Variants in ULK2 observed in about 807,000 individuals in gnomAD.
ULK2 encodes the protein unc-51 like autophagy activating kinase 2.
A neutral mutation model predicts 127.5 loss-of-function variants in ULK2; 76 were observed. The ratio of observed to expected loss-of-function variants is 0.60; its 90% CI spans 0.50 to 0.72. The LOEUF is 0.72. Among genes scored for constraint, ULK2 ranks in the 30% least tolerant of loss-of-function variants. The pLI is 0.00. For synonymous variants in ULK2, 452 were observed against 461.9 expected (o/e 0.98, Z 0.28); for missense variants, 1,144 against 1,295.9 (o/e 0.88, Z 1.80).
At chr17:19,794,503 CAG>C (rs1372907851) in intron 20 of ULK2, among the ~76,000 whole-genome samples, 3 of 152,040 alleles carry the variant, frequency 2.0e-5, no homozygotes, top group African/African-American at 4.8e-5. Context: ...GAATCAAAGA[CAG>C]AGAAAATTTT....
In ULK2 at chr17:19,774,908, G is replaced by A. The variant is rs544836668; in HGVS notation, c.*1441C>T. The A allele has an allele frequency of 2.6e-5, 4 of 152,632 alleles. No homozygotes were observed. In the East Asian group the frequency reaches 5.8e-4, roughly 22 times the overall value. 9.5% of individuals were successfully genotyped at this position (152,632 alleles called of 1,614,324 possible). On this transcript the variant is annotated 3_prime_UTR_variant, in exon 27 of 27. Coordinates refer to ENST00000395544, the MANE Select transcript of ULK2 (RefSeq NM_014683.4). ...GTATTAAAGACCTAAAAATACAAACGTCATATAAATAAATGTTCAAATTAA... is the reference window on the plus strand; with the variant it reads ...GTATTAAAGACCTAAAAATACAAACATCATATAAATAAATGTTCAAATTAA...
intron 20 of ULK2, among the ~76,000 whole-genome samples, chr17:19,786,604 C>T (rs1457711026): frequency 1.3e-5 from 2 of 151,798 alleles, no homozygotes; most frequent in Non-Finnish European, 2.9e-5. Context: ...ATCCCAGCTA[C>T]TCAAGAGCCT....
At chr17:19,846,586 G>A (rs2041888895) in intron 6 of ULK2, 151 bp downstream of exon 6, 1 of 837,092 alleles carries the variant, frequency 1.2e-6, no homozygotes, top group Admixed American at 2.8e-5. Flanking sequence ...GTTGCAGTGA[G>A]CCAAGATCGC....
At chr17:19,858,586 G>A (rs1276373593) in intron 3 of ULK2, among the ~76,000 whole-genome samples, 1 of 151,904 alleles carries the variant, frequency 6.6e-6, no homozygotes, top group Non-Finnish European at 1.5e-5. Context: ...CACAACCTAT[G>A]CATCATAGGA....
At chr17:19,840,729 A>T (rs2041728190) in intron 9 of ULK2, among the ~76,000 whole-genome samples, 3 of 151,414 alleles carry the variant, frequency 2.0e-5, no homozygotes, top group Admixed American at 6.6e-5. Flanking sequence ...AAAAAAAAAA[A>T]AATACAAAAA....
At chr17:19,807,723 C>T (rs926182656) in intron 14 of ULK2, among the ~76,000 whole-genome samples, 4 of 152,152 alleles carry the variant, frequency 2.6e-5, no homozygotes, top group Non-Finnish European at 4.4e-5. Flanking sequence ...TAATTGAATT[C>T]CCATATCCTC....
At chr17:19,805,551 C>A (rs1003039267) in intron 14 of ULK2, among the ~76,000 whole-genome samples, 9 of 152,256 alleles carry the variant, frequency 5.9e-5, no homozygotes, top group African/African-American at 2.2e-4. Flanking sequence ...TTCCCAATAT[C>A]CATTCAGCCT....
intron 10 of ULK2, among the ~76,000 whole-genome samples, chr17:19,837,647 T>C (rs1490916574): frequency 6.6e-6 from 1 of 152,214 alleles, no homozygotes; most frequent in Non-Finnish European, 1.5e-5. Flanking sequence ...TCCTTTCAGC[T>C]GCTCAGGCCA....
intron 6 of ULK2, 59 bp from the exon 7 acceptor site, chr17:19,845,436 T>TG: frequency 1.6e-6 from 2 of 1,263,208 alleles, no homozygotes; most frequent in Non-Finnish European, 2.3e-6. Context: ...ACCTAACATA[T>TG]ATCATATGAT....
chr17:19,776,856 G>A (rs1314825451), intron 26 of ULK2, among the ~76,000 whole-genome samples: 1 of 152,186 alleles, frequency 6.6e-6, no homozygotes, highest in Admixed American at 6.5e-5. Flanking sequence ...GCTTAAAACA[G>A]TTACATTTAA....
At chr17:19,819,473 G>C (rs157404) in intron 12 of ULK2, among the ~76,000 whole-genome samples, 47,192 of 152,050 alleles carry the variant, frequency 0.31, 8,458 homozygotes, top group Middle Eastern at 0.51. Flanking sequence ...GGCTCTTCAC[G>C]CTTCACTTGT....
chr17:19,790,530 T>A (rs2087129138), intron 20 of ULK2, among the ~76,000 whole-genome samples: 4 of 146,404 alleles, frequency 2.7e-5, no homozygotes, highest in East Asian at 2.0e-4. Flanking sequence ...ACCAAGAAAA[T>A]CAGTGATACC....
chr17:19,777,851 C>T, intron 25 of ULK2, 135 bp from the exon 26 acceptor site: 1 of 1,116,248 alleles, frequency 9.0e-7, no homozygotes, highest in Non-Finnish European at 1.2e-6. Flanking sequence ...TGCAAAACTA[C>T]ATAAAACTCA....
rs1046546256 is a variant in ULK2, at chr17:19,833,360, T to C, written c.787+5141A>G. Among the ~76,000 whole-genome samples, 4 of 67,850 alleles carry C rather than the reference T, an allele frequency of 5.9e-5. No individual in the cohort carries two copies. The East Asian group carries it at 1.1e-3, about 18-fold the overall frequency. The allele number at this position is 67,850 out of a possible 152,430, so 44.5% of individuals were successfully genotyped here. A position where few individuals can be genotyped will look rare whatever the true frequency, so the allele number is the denominator to read the frequency against. ...AACAAAGACTTTAAAGCAGTTATTA[T>C]AAACAAATTTTTTTTTTTTGAGACA... is the stretch of plus-strand genomic sequence containing the variant. On this transcript the variant is annotated intron_variant, in intron 10 of 26. Coordinates refer to ENST00000395544, the MANE Select transcript of ULK2 (RefSeq NM_014683.4).
rs527986478 is a variant in ULK2 at position 19,867,486 on chromosome 17, C to T, written c.-69G>A. The T allele has an allele frequency of 3.0e-5, 39 of 1,296,254 alleles. No individual in the cohort carries two copies. The highest frequency in any genetic ancestry group is 2.0e-4 in the Middle Eastern group (1 of 5,084). 80.3% of individuals were successfully genotyped at this position (1,296,254 alleles called of 1,614,324 possible). ...TGCGGCGCAGGTATCAGCACCGCGGCTCCGCGGGCCCGGAGCGCGCCAGCG... is the reference window on the plus strand; with the variant it reads ...TGCGGCGCAGGTATCAGCACCGCGGTTCCGCGGGCCCGGAGCGCGCCAGCG... On this transcript the variant is annotated 5_prime_UTR_variant, in exon 1 of 27. Coordinates refer to ENST00000395544, the MANE Select transcript of ULK2 (RefSeq NM_014683.4).
chr17:19,777,739 C>T (rs990839841), intron 25 of ULK2, 23 bp from the exon 26 acceptor site: 1 of 1,579,158 alleles, frequency 6.3e-7, no homozygotes, highest in African/African-American at 1.4e-5. Context: ...AACAAAAACA[C>T]AATTCTCTCA....
intron 14 of ULK2, among the ~76,000 whole-genome samples, chr17:19,806,484 G>C (rs1268729887): frequency 2.6e-5 from 4 of 152,044 alleles, no homozygotes; most frequent in African/African-American, 9.7e-5. Flanking sequence ...AACACCTCTG[G>C]TTCCTCCCCC....
intron 3 of ULK2, chr17:19,860,905 G>A (rs1351580618): frequency 6.6e-6 from 1 of 151,912 alleles, no homozygotes; most frequent in Non-Finnish European, 1.5e-5. Context: ...CCACGCAGGA[G>A]ACCCAGGTTC....
At chr17:19,777,422 A>C (rs1319864779) in intron 26 of ULK2, among the ~76,000 whole-genome samples, 159 bp downstream of exon 26, 1 of 152,194 alleles carries the variant, frequency 6.6e-6, no homozygotes, top group East Asian at 1.9e-4. Flanking sequence ...TATTTTATGA[A>C]AAAGAAGCTG....
Sources: allele counts gnomAD v4.1 joint callset (sites outside exome capture counted in the v4.1 genomes callset), GRCh38; gene constraint gnomAD v4.1.1; transcripts MANE v1.5; gene names NCBI Gene and HGNC (gene_info 2026-07-23, HGNC 2026-07-21).